RAB6A: variants seen among roughly 807,000 people sequenced by gnomAD.
RAB6A encodes ras-related protein Rab-6A.
In RAB6A, 8 loss-of-function variants were observed where a neutral mutation model predicts 32.3. The ratio of observed to expected loss-of-function variants is 0.25; its 90% CI spans 0.15 to 0.45. RAB6A has a LOEUF of 0.45. RAB6A is among the 20% of genes least tolerant of loss of function. The pLI, the probability that RAB6A is intolerant of heterozygous loss-of-function variation, is 1.00. For missense variants in RAB6A, 104 were observed against 249.4 expected (o/e 0.42, Z 3.93); for synonymous variants, 73 against 82.1 (o/e 0.89, Z 0.60).
chr11:73,695,189 T>G (rs1305350184), intron 6 of RAB6A, among the ~76,000 whole-genome samples: 2 of 151,820 alleles, frequency 1.3e-5, no homozygotes, highest in Non-Finnish European at 2.9e-5. Flanking sequence ...CCAAAAAAAC[T>G]TTACAAAGGT....
chr11:73,710,908 C>G (rs536281399), intron 5 of RAB6A, among the ~76,000 whole-genome samples: 3 of 152,134 alleles, frequency 2.0e-5, no homozygotes, highest in South Asian at 4.2e-4. Context: ...ATGCCTAGCC[C>G]ATTTTCTTTA....
rs1590871545 is a variant in RAB6A at position 73,730,874 on chromosome 11, T to A, written c.71-51A>T. 1.8e-5 allele frequency: 26 copies of A among 1,425,008 alleles called. No homozygotes were observed. The East Asian group carries it at 6.0e-4, about 33-fold the overall frequency. The allele number at this position is 1,425,008 out of a possible 1,614,324, so 88.3% of individuals were successfully genotyped here. ...GCTCAGTGAACACATTACATTGGGT[T>A]CTCAGAAAATTTTTCTACAGAGAAC... On this transcript the variant is annotated intron_variant, in intron 1 of 7. Transcript: ENST00000336083.
intron 6 of RAB6A, among the ~76,000 whole-genome samples, chr11:73,700,599 AG>A (rs1285318347): frequency 4.7e-4 from 4 of 8,442 alleles, no homozygotes; most frequent in African/African-American, 6.4e-4. Context: ...AAAAAAAAAA[AG>A]TGTGTGTGTG....
At chr11:73,736,805 A>AG (rs1453911988) in intron 1 of RAB6A, among the ~76,000 whole-genome samples, 1 of 73,024 alleles carries the variant, frequency 1.4e-5, no homozygotes, top group East Asian at 3.8e-4. Flanking sequence ...AAAGAAAAAA[A>AG]AAAGAAAAAA....
chr11:73,724,737 T>C lies in RAB6A; in HGVS notation c.130-3838A>G, dbSNP rs973326413. On this transcript the variant is annotated intron_variant, in intron 2 of 7. Transcript: ENST00000336083. ...TCCAGACCTTGTGATCCGCCCGCCT[T>C]GGCCTCCCGAAGTGCTGGGATTACA... 4.6e-5 allele frequency among the ~76,000 whole-genome samples: 7 copies of C among 152,014 alleles called. No individual in the cohort carries two copies. In the East Asian group the frequency reaches 7.7e-4, roughly 17 times the overall value.
Position 73,707,488 on chromosome 11 carries a change from T to C in RAB6A, c.427A>G (p.Arg143Gly). The change falls in exon 6 of 8, where the codon AGG (arginine) becomes GGG (glycine). Residue 143 changes from arginine to glycine, a missense_variant. By Grantham distance (125) the Arg-to-Gly change is moderately radical. This residue lies in a region of RAB6A where 21 missense variants were observed against 18.2 expected (regional missense o/e 1.15). Transcript: ENST00000336083. The stretch of plus-strand genomic sequence containing the variant: ...ATAACATTCAGCTCTTTGGCTTTCC[T>C]CTCTCCCTCCTCAATTGACACTTGC... ...KRQVSIEEGERKAKELNVMFI... is the reference protein window; with the variant it reads ...KRQVSIEEGEGKAKELNVMFI... 1 of 1,613,258 alleles carries C rather than the reference T, an allele frequency of 6.2e-7. No homozygotes were observed. The highest frequency in any genetic ancestry group is 8.5e-7 in the Non-Finnish European group (1 of 1,179,320).
chr11:73,680,037 G>A (rs1056961567), intron 6 of RAB6A, among the ~76,000 whole-genome samples: 7 of 152,196 alleles, frequency 4.6e-5, no homozygotes, highest in Non-Finnish European at 2.9e-5. Context: ...AGTGGAGGCT[G>A]CAGGGAGCTG....
chr11:73,722,293 A>ATGTG (rs1555061965), intron 2 of RAB6A: 2 of 92,770 alleles, frequency 2.2e-5, no homozygotes, highest in Non-Finnish European at 4.3e-5. Flanking sequence ...ATTCAAATAT[A>ATGTG]TATGTGTGTG....
At chr11:73,701,660 GTTTT>G (rs1289189871) in intron 6 of RAB6A, among the ~76,000 whole-genome samples, 2 of 145,826 alleles carry the variant, frequency 1.4e-5, no homozygotes, top group Non-Finnish European at 2.9e-5. Flanking sequence ...CGTGTTTTTT[GTTTT>G]TTATTTTGAG....
At chr11:73,701,948 C>T (rs1441303921) in intron 6 of RAB6A, among the ~76,000 whole-genome samples, 4 of 152,014 alleles carry the variant, frequency 2.6e-5, no homozygotes, top group East Asian at 1.9e-4. Flanking sequence ...ACACAGCCCA[C>T]GAGGGACAGT....
intron 1 of RAB6A, among the ~76,000 whole-genome samples, chr11:73,757,127 ATATTTTTTTTTTTTTTTT>A (rs1466692293): frequency 2.6e-5 from 1 of 38,804 alleles, no homozygotes; most frequent in African/African-American, 1.3e-4. Context: ...ATATATATAT[ATATTTTTTTTTTTTTTTT>A]TTTTTTTTTT....
At chr11:73,709,437 A>AT (rs1945904145) in intron 5 of RAB6A, among the ~76,000 whole-genome samples, 1 of 137,134 alleles carries the variant, frequency 7.3e-6, no homozygotes, top group Non-Finnish European at 1.5e-5. Context: ...CTCCTTAAGT[A>AT]TATTATTATT....
chr11:73,737,049 T>C (rs1216124464), intron 1 of RAB6A, among the ~76,000 whole-genome samples: 2 of 151,524 alleles, frequency 1.3e-5, no homozygotes, highest in Admixed American at 1.3e-4. Context: ...TCAACAAATT[T>C]CAAATGTTTG....
chr11:73,700,970 A>G (rs1565353019), intron 6 of RAB6A, among the ~76,000 whole-genome samples: 1 of 152,184 alleles, frequency 6.6e-6, no homozygotes, highest in Non-Finnish European at 1.5e-5. Context: ...CAGCCTAGTC[A>G]CTTGAATCAT....
chr11:73,686,181 A>G (rs115927882), intron 6 of RAB6A, among the ~76,000 whole-genome samples: 5 of 152,158 alleles, frequency 3.3e-5, no homozygotes, highest in Non-Finnish European at 7.3e-5. Context: ...TGTCCTCATA[A>G]TATTACAACT....
chr11:73,707,655 C>CACACA, intron 5 of RAB6A, 142 bp from the exon 6 acceptor site: 1 of 579,072 alleles, frequency 1.7e-6, no homozygotes, highest in Non-Finnish European at 3.0e-6. Flanking sequence ...ATTAATCTGC[C>CACACA]ACACTCTTGA....
chr11:73,680,777 C>T (rs961870525), intron 6 of RAB6A, among the ~76,000 whole-genome samples: 4 of 152,318 alleles, frequency 2.6e-5, no homozygotes, highest in East Asian at 3.9e-4. Flanking sequence ...TAATACACCA[C>T]CCCTCAAGTC....
intron 1 of RAB6A, among the ~76,000 whole-genome samples, chr11:73,755,544 C>T (rs764041449): frequency 6.6e-6 from 1 of 152,160 alleles, no homozygotes; most frequent in Non-Finnish European, 1.5e-5. Context: ...CCACCCACTT[C>T]GGCCTCCCAA....
intron 3 of RAB6A, among the ~76,000 whole-genome samples, chr11:73,720,503 G>A (rs7938731): frequency 0.48 from 73,334 of 151,854 alleles, 19,064 homozygotes; most frequent in East Asian, 0.6. Flanking sequence ...TTTTTTGTCA[G>A]TCACTTTGAT....
Sources: gnomAD v4.1 joint callset for allele counts (sites outside exome capture counted in the v4.1 genomes callset) on GRCh38, gnomAD v4.1.1 for gene constraint, gnomAD v4.1.1 regional missense constraint, MANE v1.5 for transcripts, NCBI Gene and HGNC (gene_info 2026-07-23, HGNC 2026-07-21) for gene names.